The following TUSC3 variants were observed in gnomAD, a reference collection of about 807,000 sequenced individuals.
TUSC3 encodes dolichyl-diphosphooligosaccharide--protein glycosyltransferase subunit TUSC3.
Under a neutral mutation model 44.8 loss-of-function variants are expected in TUSC3, and 45 were observed. The observed-to-expected ratio is 1.00, with a 90% CI of 0.79 to 1.29. TUSC3 has a LOEUF of 1.29. Ranked by LOEUF, TUSC3 falls within the 50% of genes most tolerant of loss-of-function variation. The pLI is 0.00. For missense variants in TUSC3, 519 were observed against 437.9 expected (o/e 1.19, Z -1.65); for synonymous variants, 212 against 152.9 (o/e 1.39, Z -2.85).
intron 2 of TUSC3, among the ~76,000 whole-genome samples, chr8:15,520,503 A>G (rs981347631): frequency 2.6e-5 from 4 of 152,210 alleles, no homozygotes; most frequent in African/African-American, 9.6e-5. Context: ...AATGGCATTT[A>G]TCTATATTTC....
chr8:15,767,634 A>T (rs1048971940), downstream of TUSC3, among the ~76,000 whole-genome samples: 1 of 152,144 alleles, frequency 6.6e-6, no homozygotes, highest in South Asian at 2.1e-4. Context: ...TGCAGCCTGC[A>T]TTCCTTATGT....
intron 1 of TUSC3, among the ~76,000 whole-genome samples, chr8:15,418,837 C>A (rs1479161140): frequency 2.0e-5 from 3 of 152,090 alleles, no homozygotes; most frequent in African/African-American, 4.8e-5. Flanking sequence ...CACACCTTAT[C>A]TTTACAAAAA....
intron 2 of TUSC3, among the ~76,000 whole-genome samples, chr8:15,486,301 G>A (rs1274899317): frequency 6.6e-6 from 1 of 152,222 alleles, no homozygotes; most frequent in Middle Eastern, 3.4e-3. Flanking sequence ...CTTGAAGCAT[G>A]GTTTTCAGGG....
intron 1 of TUSC3, among the ~76,000 whole-genome samples, chr8:15,425,971 G>A (rs1222024405): frequency 6.6e-6 from 1 of 152,174 alleles, no homozygotes; most frequent in African/African-American, 2.4e-5. Context: ...AGCCATTATT[G>A]TGCCATTGTA....
At chr8:15,493,810 A>G (rs1220389202) in intron 2 of TUSC3, among the ~76,000 whole-genome samples, 2 of 152,216 alleles carry the variant, frequency 1.3e-5, no homozygotes. Flanking sequence ...CCAAGTAGCC[A>G]ATTATAACCT....
chr8:15,542,468 G>A (rs1364030192), intron 1 of TUSC3, among the ~76,000 whole-genome samples: 2 of 151,984 alleles, frequency 1.3e-5, no homozygotes, highest in Admixed American at 1.3e-4. Context: ...TGGTTTTTCA[G>A]GTTAGCTTTG....
In TUSC3 at chr8:15,652,062, C is replaced by T. The variant is rs1450410728; in HGVS notation, c.426+1248C>T. Among the ~76,000 whole-genome samples, 3 of 152,114 alleles carry T rather than the reference C, an allele frequency of 2.0e-5. No homozygotes were observed. The East Asian group carries it at 5.8e-4, about 29-fold the overall frequency. On this transcript the variant is annotated intron_variant, in intron 3 of 10. Coordinates refer to ENST00000503731, the MANE Select transcript of TUSC3 (RefSeq NM_006765.4). ...GAATTTGAACTCAACTGTGTGGCTC[C>T]CAGAGCCCTAGCCTTAATCATGCTG... is the stretch of plus-strand genomic sequence containing the variant.
intron 7 of TUSC3, among the ~76,000 whole-genome samples, chr8:15,738,301 T>C (rs189193599): frequency 7.9e-5 from 12 of 152,358 alleles, no homozygotes; most frequent in Admixed American, 4.6e-4. Context: ...TACTAAATTC[T>C]TGCATTTTAA....
intron 2 of TUSC3, among the ~76,000 whole-genome samples, chr8:15,642,754 C>A (rs982923982): frequency 6.6e-6 from 1 of 152,100 alleles, no homozygotes; most frequent in Non-Finnish European, 1.5e-5. Context: ...GGCATGTTAT[C>A]ATAAACAAGG....
chr8:15,727,013 G>C (rs1468410590), intron 6 of TUSC3, among the ~76,000 whole-genome samples: 1 of 152,040 alleles, frequency 6.6e-6, no homozygotes, highest in Non-Finnish European at 1.5e-5. Flanking sequence ...AAATTATCCT[G>C]AGTTACTGAT....
Position 15,711,417 on chromosome 8 carries a change from T to G in TUSC3, c.799-19249T>G, listed in dbSNP as rs747073127. ...AGTTTACTTTTTCTAAACCAAAAAC[T>G]TATCTCAGAAAAGAGGTTACCAGGT... On this transcript the variant is annotated intron_variant, in intron 6 of 10. Coordinates refer to ENST00000503731, the MANE Select transcript of TUSC3 (RefSeq NM_006765.4). Among the ~76,000 whole-genome samples the G allele has an allele frequency of 6.7e-4, 101 of 151,276 alleles. 1 individual carries two copies. Among genetic ancestry groups the G allele is most frequent in the Non-Finnish European group, 1.2e-3 (84 of 67,670 alleles).
intron 6 of TUSC3, among the ~76,000 whole-genome samples, chr8:15,724,108 C>T (rs759892627): frequency 5.9e-5 from 9 of 152,072 alleles, no homozygotes; most frequent in African/African-American, 9.7e-5. Flanking sequence ...AGTATAGAGA[C>T]GCCTACCTAT....
intron 6 of TUSC3, among the ~76,000 whole-genome samples, chr8:15,727,347 CTT>C (rs1179610403): frequency 2.0e-5 from 3 of 152,092 alleles, no homozygotes; most frequent in African/African-American, 4.8e-5. Flanking sequence ...CCAGTAATCT[CTT>C]TGTTGCACAT....
chr8:15,630,824 T>C (rs1444601214), intron 2 of TUSC3, among the ~76,000 whole-genome samples: 1 of 152,188 alleles, frequency 6.6e-6, no homozygotes, highest in Non-Finnish European at 1.5e-5. Context: ...TACAGCTGGC[T>C]AAAATCACGT....
chr8:15,488,192 A>G (rs1451652352), intron 2 of TUSC3, among the ~76,000 whole-genome samples: 1 of 152,018 alleles, frequency 6.6e-6, no homozygotes, highest in Non-Finnish European at 1.5e-5. Context: ...TCCACTTTGA[A>G]TACACTTATT....
At chr8:15,552,599 C>T (rs1243709475) in intron 1 of TUSC3, among the ~76,000 whole-genome samples, 4 of 151,624 alleles carry the variant, frequency 2.6e-5, no homozygotes, top group Non-Finnish European at 5.9e-5. Flanking sequence ...AAAAACACAG[C>T]AAATTCAGAG....
chr8:15,619,909 A>C (rs941101044), intron 1 of TUSC3, among the ~76,000 whole-genome samples: 3 of 152,198 alleles, frequency 2.0e-5, no homozygotes, highest in Non-Finnish European at 4.4e-5. Context: ...AAGAGAGAGC[A>C]TTCAGAATTG....
chr8:15,802,133 G>A, the TUSC3 span, among the ~76,000 whole-genome samples: 44 of 152,268 alleles, frequency 2.9e-4, no homozygotes, highest in African/African-American at 9.6e-4. Context: ...AGAGTAGAAA[G>A]AGGGATGCCC....
chr8:15,699,095 G>A (rs1306305290), intron 6 of TUSC3, among the ~76,000 whole-genome samples: 4 of 152,074 alleles, frequency 2.6e-5, no homozygotes, highest in Admixed American at 2.6e-4. Flanking sequence ...TGATACTCCA[G>A]CACTGGCCTG....
Sources: gnomAD v4.1 joint callset for allele counts (sites outside exome capture counted in the v4.1 genomes callset) on GRCh38, gnomAD v4.1.1 for gene constraint, MANE v1.5 for transcripts, NCBI Gene and HGNC (gene_info 2026-07-23, HGNC 2026-07-21) for gene names.